Variants in SSBP4 observed in about 807,000 individuals in gnomAD.
SSBP4 encodes the protein single stranded DNA binding protein 4, also known as single-stranded DNA-binding protein 4.
Under a neutral mutation model 64.6 loss-of-function variants are expected in SSBP4, and 33 were observed. That is an observed-to-expected ratio of 0.51 (90% CI 0.39 to 0.68). The LOEUF is 0.68. SSBP4 is among the 30% of genes least tolerant of loss of function. The probability of loss-of-function intolerance (pLI) is 0.00; values close to 1 mark genes in which losing one functional copy is unlikely to be tolerated. For synonymous variants in SSBP4, 243 were observed against 224.0 expected, an observed-to-expected ratio of 1.08 and a Z score of -0.76; for missense variants, 583 against 566.8, an observed-to-expected ratio of 1.03 and a Z score of -0.29.
At chr19:18,406,572 C>CAGG in the SSBP4 span, among the ~76,000 whole-genome samples, 1 of 151,898 alleles carries the variant, frequency 6.6e-6, no homozygotes, top group African/African-American at 2.4e-5. Context: ...CCGTTGGGCC[C>CAGG]AGGAGGTCAA....
intron 4 of SSBP4, among the ~76,000 whole-genome samples, chr19:18,429,348 CCGG>C (rs1973143658): frequency 6.6e-6 from 1 of 152,054 alleles, no homozygotes; most frequent in African/African-American, 2.4e-5. Flanking sequence ...GCGGGCCGGG[CCGG>C]CTCCTCTTCA....
upstream of SSBP4, among the ~76,000 whole-genome samples, chr19:18,415,297 G>T (rs1309749817): frequency 6.6e-6 from 1 of 152,178 alleles, no homozygotes; most frequent in Non-Finnish European, 1.5e-5. Context: ...CCCCTCCCAG[G>T]GCCCCCCACT....
At chr19:18,416,014 T>A (rs1344869514), upstream of SSBP4, among the ~76,000 whole-genome samples, 6 of 152,064 alleles carry the variant, frequency 3.9e-5, no homozygotes, top group East Asian at 1.2e-3. Flanking sequence ...GCTTCTTAGG[T>A]TTTTTTAGTT....
At chr19:18,431,288 T>G in intron 5 of SSBP4, 65 bp from the exon 6 acceptor site, 1 of 315,918 alleles carries the variant, frequency 3.2e-6, no homozygotes, top group Non-Finnish European at 5.7e-6. Context: ...ATGGAGCCCC[T>G]CCCCTCCTCA....
chr19:18,413,936 G>T (rs1972112408), upstream of SSBP4, among the ~76,000 whole-genome samples: 1 of 152,186 alleles, frequency 6.6e-6, no homozygotes, highest in South Asian at 2.1e-4. Context: ...AGAATTGCTT[G>T]AACCTGGGAG....
chr19:18,427,487 AC>A lies in SSBP4; in HGVS notation c.132+65del. 2 of 1,565,548 alleles carry A rather than the reference AC, an allele frequency of 1.3e-6. No homozygotes were observed. Among genetic ancestry groups the A allele is most frequent in the Non-Finnish European group, 1.7e-6 (2 of 1,152,916 alleles). On this transcript the variant is annotated intron_variant, in intron 2 of 17. Transcript: ENST00000270061. This position sits in a 1 kb window ranked among gnomAD's most constrained non-coding sequence, Gnocchi z 4.4. ...CACACTCCGGGGGTCCTTCATTTCC[AC>A]TGGGGATCCAGGGGGTGGGCCCGCG... is the stretch of plus-strand genomic sequence containing the variant.
chr19:18,431,535 T>C (rs1162612486), intron 6 of SSBP4, 112 bp from the exon 7 acceptor site: 10 of 1,426,840 alleles, frequency 7.0e-6, no homozygotes, highest in Non-Finnish European at 9.4e-6. Context: ...CTTTGCTGGC[T>C]GGTTCTGGAG....
intron 1 of SSBP4, among the ~76,000 whole-genome samples, chr19:18,420,718 C>T (rs573639635): frequency 1.3e-5 from 2 of 151,726 alleles, no homozygotes; most frequent in African/African-American, 4.8e-5. Context: ...ATTAGCTGGG[C>T]GTGGGCGCCT....
Position 18,434,467 on chromosome 19 carries a change from T to C in SSBP4, c.*221T>C. ...TGGACCCTTCCTGCCATTTGTATTT[T>C]GTCCCAGAGAGAAAGGCTCTTTGGG... On this transcript the variant is annotated 3_prime_UTR_variant, in exon 18 of 18. Transcript: ENST00000270061. 2 of 931,674 alleles carry C rather than the reference T, an allele frequency of 2.1e-6. No individual in the cohort carries two copies. Among genetic ancestry groups the C allele is most frequent in the Non-Finnish European group, 1.5e-6 (1 of 678,194 alleles). 57.7% of individuals were successfully genotyped at this position (931,674 alleles called of 1,614,324 possible). A position where few individuals can be genotyped will look rare whatever the true frequency, so the allele number is the denominator to read the frequency against.
intron 15 of SSBP4, 80 bp from the exon 16 acceptor site, chr19:18,433,505 G>A (rs1456481159): frequency 6.6e-7 from 1 of 1,526,326 alleles, no homozygotes; most frequent in South Asian, 1.2e-5. Flanking sequence ...GGCAGCTTGC[G>A]AGGGTCGTTG....
At chr19:18,428,054 G>T in intron 4 of SSBP4, 72 bp downstream of exon 4, 4 of 1,442,174 alleles carry the variant, frequency 2.8e-6, no homozygotes, top group Non-Finnish European at 3.8e-6. Context: ...GGGGAGGTGG[G>T]GTGGGGGGCT....
At chr19:18,403,100 C>T in the SSBP4 span, among the ~76,000 whole-genome samples, 6 of 152,218 alleles carry the variant, frequency 3.9e-5, no homozygotes, top group African/African-American at 7.2e-5. Flanking sequence ...ACTCTTTACT[C>T]GGCTGAGATG....
the SSBP4 span, among the ~76,000 whole-genome samples, chr19:18,408,784 C>T: frequency 1.0e-3 from 159 of 152,010 alleles, no homozygotes; most frequent in Non-Finnish European, 2.0e-3. Flanking sequence ...AGCCACCGCA[C>T]GCGGCCCAAA....
chr19:18,407,719 C>T, the SSBP4 span, among the ~76,000 whole-genome samples: 1 of 152,192 alleles, frequency 6.6e-6, no homozygotes, highest in Non-Finnish European at 1.5e-5. Flanking sequence ...GTGTGAGCCA[C>T]TGTACCCGGC....
chr19:18,432,125 C>T (rs766234859), intron 9 of SSBP4, 22 bp from the exon 10 acceptor site: 2 of 1,611,770 alleles, frequency 1.2e-6, no homozygotes, highest in Non-Finnish European at 1.7e-6. Flanking sequence ...GTCTACCCCT[C>T]ACAGCCCCTT....
Position 18,419,626 on chromosome 19 carries a change from C to A in SSBP4, c.-23C>A, listed in dbSNP as rs764603009. The A allele has an allele frequency of 8.8e-6, 11 of 1,248,318 alleles. No individual in the cohort carries two copies. Among genetic ancestry groups the A allele is most frequent in the Non-Finnish European group, 1.1e-5 (11 of 990,050 alleles). 77.3% of individuals were successfully genotyped at this position (1,248,318 alleles called of 1,614,324 possible). A position where few individuals can be genotyped will look rare whatever the true frequency, so the allele number is the denominator to read the frequency against. On this transcript the variant is annotated 5_prime_UTR_variant, in exon 1 of 18. Coordinates refer to ENST00000270061, the MANE Select transcript of SSBP4 (RefSeq NM_032627.5). ...GGCGCCGCCTGACAGGTGTGGGCCC[C>A]GGCGGCGGCGGCGTGGAGCAGCATG...
chr19:18,409,438 C>T, the SSBP4 span, among the ~76,000 whole-genome samples: 3 of 151,810 alleles, frequency 2.0e-5, no homozygotes, highest in Non-Finnish European at 4.4e-5. Flanking sequence ...CTGTTTGCCT[C>T]GGCCTCCCAA....
the SSBP4 span, among the ~76,000 whole-genome samples, chr19:18,409,535 T>TA: frequency 2.3e-4 from 35 of 149,502 alleles, no homozygotes; most frequent in African/African-American, 3.7e-4. Context: ...TGATTTCACT[T>TA]AAAAAAAAAA....
chr19:18,433,331 C>T (rs963737948), intron 15 of SSBP4, 118 bp downstream of exon 15: 7 of 1,376,972 alleles, frequency 5.1e-6, no homozygotes, highest in Non-Finnish European at 6.9e-6. Flanking sequence ...GTCCTGAGCC[C>T]CCCGGGGGCC....
Sources: allele counts gnomAD v4.1 joint callset (sites outside exome capture counted in the v4.1 genomes callset), GRCh38; gene constraint gnomAD v4.1.1; non-coding constraint Gnocchi (gnomAD v3.1); transcripts MANE v1.5; gene names NCBI Gene and HGNC (gene_info 2026-07-23, HGNC 2026-07-21).